The following COX6C variants were observed in gnomAD, a reference collection of about 807,000 sequenced individuals.
COX6C encodes cytochrome c oxidase polypeptide VIc.
A neutral mutation model predicts 6.9 loss-of-function variants in COX6C; 3 were observed. That is an observed-to-expected ratio of 0.43 (90% CI 0.20 to 1.12). The LOEUF is 1.12. COX6C is among the 50% of genes most tolerant of loss of function. The pLI is 0.27. For synonymous variants in COX6C, 32 were observed against 32.0 expected (o/e 1.00, Z 0.00); for missense variants, 101 against 97.3 (o/e 1.04, Z -0.16).
At chr8:99,880,153 C>G (rs543837823) in intron 3 of COX6C, among the ~76,000 whole-genome samples, 8 of 152,298 alleles carry the variant, frequency 5.3e-5, no homozygotes, top group African/African-American at 1.9e-4. Context: ...CCTTTCCATG[C>G]ATGGAGCCAG....
intron 3 of COX6C, chr8:99,886,400 A>G (rs563660534): frequency 3.9e-5 from 6 of 152,332 alleles, no homozygotes; most frequent in African/African-American, 1.2e-4. Context: ...AAAAAAAATT[A>G]ACAAGTGTTG....
At chr8:99,889,934 T>C (rs995016441) in intron 2 of COX6C, among the ~76,000 whole-genome samples, 2 of 151,446 alleles carry the variant, frequency 1.3e-5, no homozygotes, top group Non-Finnish European at 2.9e-5. Context: ...TACTAAAAAA[T>C]ACACAAAAAA....
At chr8:99,893,223 C>T (rs1818083802) in intron 1 of COX6C, 2 of 152,372 alleles carry the variant, frequency 1.3e-5, no homozygotes, top group African/African-American at 4.8e-5. Context: ...GCTTCGCCTA[C>T]ACTAACCCTT....
chr8:99,883,429 ATGTATGTG>A (rs1817895633), intron 3 of COX6C, among the ~76,000 whole-genome samples: 2 of 145,784 alleles, frequency 1.4e-5, no homozygotes, highest in Non-Finnish European at 3.0e-5. Context: ...GTGTGTATAT[ATGTATGTG>A]TGTGTGTGTG....
chr8:99,887,611 A>G lies in COX6C; in HGVS notation c.122T>C (p.Val41Ala). The change falls in exon 3 of 4, where the codon GTG becomes GCG. Residue 41 changes from valine to alanine, a missense_variant. Val to Ala is a moderately conservative substitution (Grantham distance 64). Coordinates refer to ENST00000520468, the MANE Select transcript of COX6C (RefSeq NM_004374.4). The part of the protein sequence containing the change: ...LGVAALYKFR[V>A]ADQRKKAYAD... ...GTATGCCTTCTTTCTTTGATCAGCC[A>G]CACGAAACTAAAAAGCAACCATCCA... is the stretch of plus-strand genomic sequence containing the variant. 1 of 1,592,392 alleles carries G rather than the reference A, an allele frequency of 6.3e-7. No individual in the cohort carries two copies. Among genetic ancestry groups the G allele is most frequent in the African/African-American group, 1.4e-5 (1 of 73,172 alleles).
At chr8:99,890,640 T>C (rs887015239) in intron 2 of COX6C, among the ~76,000 whole-genome samples, 1 of 152,262 alleles carries the variant, frequency 6.6e-6, no homozygotes, top group African/African-American at 2.4e-5. Context: ...GTAAAGAACA[T>C]AAACACTAAA....
intron 2 of COX6C, among the ~76,000 whole-genome samples, chr8:99,889,291 C>A (rs1397760679): frequency 2.7e-5 from 4 of 149,474 alleles, no homozygotes; most frequent in African/African-American, 9.8e-5. Context: ...TCCCAGTTCT[C>A]CCTAACTTTT....
intron 3 of COX6C, among the ~76,000 whole-genome samples, chr8:99,885,013 TAAGG>T (rs1817924874): frequency 1.3e-5 from 2 of 152,190 alleles, no homozygotes; most frequent in Non-Finnish European, 2.9e-5. Context: ...CACAGACTCT[TAAGG>T]AACCACAAAT....
intron 3 of COX6C, among the ~76,000 whole-genome samples, chr8:99,884,163 GC>G (rs1817909105): frequency 6.6e-6 from 1 of 152,066 alleles, no homozygotes; most frequent in Admixed American, 6.5e-5. Flanking sequence ...GAAGGAATAA[GC>G]AACATCCAAA....
At chr8:99,889,961 G>A (rs1191072776) in intron 2 of COX6C, among the ~76,000 whole-genome samples, 1 of 151,858 alleles carries the variant, frequency 6.6e-6, no homozygotes, top group Admixed American at 6.6e-5. Context: ...GGGTGTGGTG[G>A]CGGACGCCTG....
chr8:99,884,399 T>C (rs920772669), intron 3 of COX6C, among the ~76,000 whole-genome samples: 1 of 152,126 alleles, frequency 6.6e-6, no homozygotes, highest in Non-Finnish European at 1.5e-5. Flanking sequence ...AAAATAATAC[T>C]TAGGAATGTA....
chr8:99,883,671 A>C lies in COX6C; in HGVS notation c.*15+3819T>G, dbSNP rs1817902794. 2.0e-5 allele frequency among the ~76,000 whole-genome samples: 3 copies of C among 152,126 alleles called. No homozygotes were observed. In the South Asian group the frequency reaches 6.2e-4, roughly 31 times the overall value. ...AGTGAGGAAAAGGGAACATTTCCAC[A>C]TTCATTCTATAAGGCCAGCATTATC... On this transcript the variant is annotated intron_variant, in intron 3 of 3. Coordinates refer to ENST00000520468, the MANE Select transcript of COX6C (RefSeq NM_004374.4).
chr8:99,880,228 T>C (rs1161141784), intron 3 of COX6C, among the ~76,000 whole-genome samples: 4 of 151,848 alleles, frequency 2.6e-5, no homozygotes, highest in South Asian at 2.1e-4. Flanking sequence ...ACAAGGCACA[T>C]AAAGAAATAG....
At chr8:99,881,849 G>C (rs1817870671) in intron 3 of COX6C, among the ~76,000 whole-genome samples, 1 of 152,164 alleles carries the variant, frequency 6.6e-6, no homozygotes, top group Non-Finnish European at 1.5e-5. Context: ...CTGTCTACAA[G>C]AGACTCACTG....
chr8:99,881,557 T>C (rs1563526574), intron 3 of COX6C, among the ~76,000 whole-genome samples: 1 of 152,114 alleles, frequency 6.6e-6, no homozygotes, highest in Non-Finnish European at 1.5e-5. Flanking sequence ...GCAATTGAGG[T>C]TGTTTTAAGT....
At chr8:99,881,361 TAA>T (rs202059068) in intron 3 of COX6C, among the ~76,000 whole-genome samples, 97 of 139,820 alleles carry the variant, frequency 6.9e-4, no homozygotes, top group African/African-American at 2.3e-3. Context: ...CTCCATCTCT[TAA>T]AAAAAAAAAA....
chr8:99,888,114 AT>A (rs1311990660), intron 2 of COX6C, among the ~76,000 whole-genome samples: 1 of 150,562 alleles, frequency 6.6e-6, no homozygotes, highest in African/African-American at 2.4e-5. Context: ...ATAAAAAAAA[AT>A]AAAAAATAAA....
chr8:99,884,458 TA>T (rs1365109512), intron 3 of COX6C, among the ~76,000 whole-genome samples: 11 of 152,208 alleles, frequency 7.2e-5, no homozygotes, highest in Non-Finnish European at 1.3e-4. Flanking sequence ...ATGAAACAGA[TA>T]TATACCTGTA....
In COX6C at chr8:99,879,938, G is replaced by A. The variant is rs188886996; in HGVS notation, c.*16-1673C>T. On this transcript the variant is annotated intron_variant, in intron 3 of 3. Coordinates refer to ENST00000520468, the MANE Select transcript of COX6C (RefSeq NM_004374.4). ...CAGACCTACAGAAACCTGTGGGCAA[G>A]AGATCAGAGACAAAAGAATAACAGA... Among the ~76,000 whole-genome samples the A allele has an allele frequency of 2.6e-5, 4 of 152,316 alleles. No individual in the cohort carries two copies. The East Asian group carries it at 7.7e-4, about 29-fold the overall frequency.
Sources: allele counts gnomAD v4.1 joint callset (sites outside exome capture counted in the v4.1 genomes callset), GRCh38; gene constraint gnomAD v4.1.1; transcripts MANE v1.5; gene names NCBI Gene and HGNC (gene_info 2026-07-23, HGNC 2026-07-21).